The following EMP2 variants were observed in gnomAD, a reference collection of about 807,000 sequenced individuals.
EMP2 encodes the protein epithelial membrane protein 2.
EMP2 carries 19 observed loss-of-function variants against 13.7 expected under a neutral mutation model. That is an observed-to-expected ratio of 1.38 (90% CI 0.97 to 2.03). The LOEUF (loss-of-function observed/expected upper bound fraction) is 2.03, where lower values mean the gene tolerates loss of function less well. Ranked by LOEUF, EMP2 falls within the 30% of genes most tolerant of loss-of-function variation. The pLI, the probability that EMP2 is intolerant of heterozygous loss-of-function variation, is 0.00. For synonymous variants in EMP2, 97 were observed against 84.7 expected (o/e 1.15, Z -0.80); for missense variants, 253 against 220.7 (o/e 1.15, Z -0.93).
chr16:10,576,785 A>T (rs904691958), intron 1 of EMP2: 1 of 152,228 alleles, frequency 6.6e-6, no homozygotes, highest in Non-Finnish European at 1.5e-5. Context: ...TACTGCATGA[A>T]CAAAACCAAC....
At chr16:10,564,386 G>T (rs1338952919) in intron 1 of EMP2, among the ~76,000 whole-genome samples, 1 of 151,364 alleles carries the variant, frequency 6.6e-6, no homozygotes, top group Non-Finnish European at 1.5e-5. Context: ...AGCTACTTGG[G>T]AGGCTGAGGC....
chr16:10,558,356 A>G (rs1264686132), intron 1 of EMP2, among the ~76,000 whole-genome samples: 1 of 152,196 alleles, frequency 6.6e-6, no homozygotes, highest in African/African-American at 2.4e-5. Context: ...TTTGACAGGA[A>G]GAAGGATAGT....
chr16:10,570,477 C>G (rs2050939565), intron 1 of EMP2, among the ~76,000 whole-genome samples: 1 of 152,146 alleles, frequency 6.6e-6, no homozygotes. Flanking sequence ...AACTCACCGT[C>G]ACGTCTGCCT....
At chr16:10,574,057 C>A (rs1178802498) in intron 1 of EMP2, among the ~76,000 whole-genome samples, 1 of 150,622 alleles carries the variant, frequency 6.6e-6, no homozygotes, top group Non-Finnish European at 1.5e-5. Context: ...TGTGCCTCAG[C>A]CTCCCAAGTA....
At chr16:10,554,732 C>G (rs1325403655) in intron 1 of EMP2, among the ~76,000 whole-genome samples, 1 of 152,166 alleles carries the variant, frequency 6.6e-6, no homozygotes, top group East Asian at 1.9e-4. Context: ...GGCTTCAGTG[C>G]TCTGCTGCTT....
intron 3 of EMP2, among the ~76,000 whole-genome samples, chr16:10,538,352 C>G (rs964645231): frequency 6.6e-6 from 1 of 152,192 alleles, no homozygotes; most frequent in African/African-American, 2.4e-5. Context: ...GTCTGGGTCA[C>G]AGACCCCACA....
At chr16:10,570,977 G>A (rs932396316) in intron 1 of EMP2, among the ~76,000 whole-genome samples, 7 of 151,658 alleles carry the variant, frequency 4.6e-5, no homozygotes, top group Non-Finnish European at 1.0e-4. Context: ...TGCAGGAACT[G>A]GCAGGGGCCG....
chr16:10,532,831 A>G lies in EMP2; in HGVS notation c.*74T>C. 2.5e-6 allele frequency: 3 copies of G among 1,183,726 alleles called. No homozygotes were observed. The highest frequency in any genetic ancestry group is 6.8e-5 in the Admixed American group (2 of 29,534). The allele number at this position is 1,183,726 out of a possible 1,614,324, so 73.3% of individuals were successfully genotyped here. A position where few individuals can be genotyped will look rare whatever the true frequency, so the allele number is the denominator to read the frequency against. ...ACGTTTGCTAGAAAAACCTCAAAAA[A>G]TAATGATTATATACAAAATGGTTAT... On this transcript the variant is annotated 3_prime_UTR_variant, in exon 5 of 5. Coordinates refer to ENST00000359543, the MANE Select transcript of EMP2 (RefSeq NM_001424.6).
At chr16:10,578,002 C>CT (rs2050996039) in intron 1 of EMP2, 1 of 140,874 alleles carries the variant, frequency 7.1e-6, no homozygotes, top group African/African-American at 2.6e-5. Flanking sequence ...AGGAGGGAGG[C>CT]TGGACATCTG....
At chr16:10,547,516 T>C (rs371664005) in intron 2 of EMP2, 24 bp downstream of exon 2, 755 of 1,613,440 alleles carry the variant, frequency 4.7e-4, no homozygotes, top group Non-Finnish European at 5.9e-4. Flanking sequence ...GGTTTCTGCG[T>C]GAGTGGCAGG....
chr16:10,535,516 C>G (rs561134853), intron 4 of EMP2, among the ~76,000 whole-genome samples: 3 of 152,070 alleles, frequency 2.0e-5, no homozygotes, highest in Non-Finnish European at 4.4e-5. Flanking sequence ...TGGCAGATTG[C>G]GAGACCAGCC....
chr16:10,548,205 G>A (rs1043047469), intron 1 of EMP2, among the ~76,000 whole-genome samples: 1 of 152,154 alleles, frequency 6.6e-6, no homozygotes, highest in East Asian at 1.9e-4. Context: ...GGACCCATTA[G>A]AATCCCTAAT....
intron 3 of EMP2, among the ~76,000 whole-genome samples, chr16:10,542,215 T>C (rs60750745): frequency 0.034 from 5,182 of 152,120 alleles, 159 homozygotes; most frequent in South Asian, 0.11. Context: ...CTGGGCAACA[T>C]GGTGAAACTC....
intron 1 of EMP2, among the ~76,000 whole-genome samples, chr16:10,553,402 A>T (rs2050803571): frequency 6.6e-6 from 1 of 151,756 alleles, no homozygotes; most frequent in African/African-American, 2.4e-5. Context: ...ATCTCTTCAC[A>T]CCTGATTGGA....
In EMP2 at chr16:10,537,801, C is replaced by G. The variant is rs997732459; in HGVS notation, c.316+127G>C. The G allele has an allele frequency of 3.3e-6, 4 of 1,227,232 alleles. No homozygotes were observed. In the African/African-American group the frequency reaches 4.5e-5, roughly 14 times the overall value. The allele number at this position is 1,227,232 out of a possible 1,614,324, so 76.0% of individuals were successfully genotyped here. ...ACACACGCAAACACACACCGGCACA[C>G]AGCACCGCGCGGCTGCCAATTTCTC... On this transcript the variant is annotated intron_variant, in intron 4 of 4. Transcript: ENST00000359543.
rs371646297 is a variant in EMP2, at chr16:10,573,930, C to CTTTT, written c.-61+6615_-61+6618dup. Reference sequence around the variant, plus strand: ...TTCCATATGGGTACAATGGATAAACCTTTTTTTTTTTTTTTTTTTTTTTTT... The same window carrying CTTTT: ...TTCCATATGGGTACAATGGATAAACCTTTTTTTTTTTTTTTTTTTTTTTTTTTTT... On this transcript the variant is annotated intron_variant, in intron 1 of 4. Transcript: ENST00000359543. 2.0e-3 allele frequency among the ~76,000 whole-genome samples: 164 copies of CTTTT among 83,216 alleles called. 1 individual carries two copies. Among genetic ancestry groups the CTTTT allele is most frequent in the South Asian group, 3.0e-3 (6 of 1,988 alleles). The allele number at this position is 83,216 out of a possible 152,430, so 54.6% of individuals were successfully genotyped here.
rs111364972 is a variant in EMP2, at chr16:10,531,748, G to GATGAATGAATGAATGAATGAATGA, written c.*1133_*1156dup. 1 of 151,836 alleles carries GATGAATGAATGAATGAATGAATGA rather than the reference G, an allele frequency of 6.6e-6. No homozygotes were observed. Among genetic ancestry groups the GATGAATGAATGAATGAATGAATGA allele is most frequent in the Non-Finnish European group, 1.5e-5 (1 of 67,810 alleles). 9.4% of individuals were successfully genotyped at this position (151,836 alleles called of 1,614,324 possible). The stretch of plus-strand genomic sequence containing the variant: ...ATGCATGCAAGTTATGATTTATGTT[G>GATGAATGAATGAATGAATGAATGA]ATGAATGAATGAATGAATGAATGAA... On this transcript the variant is annotated 3_prime_UTR_variant, in exon 5 of 5. Coordinates refer to ENST00000359543, the MANE Select transcript of EMP2 (RefSeq NM_001424.6).
chr16:10,533,890 G>A (rs564068025), intron 4 of EMP2, among the ~76,000 whole-genome samples: 5 of 152,160 alleles, frequency 3.3e-5, no homozygotes, highest in African/African-American at 1.2e-4. Flanking sequence ...AAGGTAGGTG[G>A]GTCACCTGAG....
At position 10,531,109 on chromosome 16, in the gene EMP2, T is replaced by C. The variant is rs538045411; in HGVS notation, c.*1796A>G. 1.3e-5 allele frequency: 2 copies of C among 152,152 alleles called. No individual in the cohort carries two copies. Among genetic ancestry groups the C allele is most frequent in the East Asian group, 3.9e-4 (2 of 5,140 alleles). The allele number at this position is 152,152 out of a possible 1,614,324, so 9.4% of individuals were successfully genotyped here. On this transcript the variant is annotated 3_prime_UTR_variant, in exon 5 of 5. Coordinates refer to ENST00000359543, the MANE Select transcript of EMP2 (RefSeq NM_001424.6). The stretch of plus-strand genomic sequence containing the variant: ...GCCTCAGCCTCCTAAGTAGCTGGGA[T>C]TACAGGCACCTGCCACCACACCGGG...
Sources: allele counts gnomAD v4.1 joint callset (sites outside exome capture counted in the v4.1 genomes callset), GRCh38; gene constraint gnomAD v4.1.1; transcripts MANE v1.5; gene names NCBI Gene and HGNC (gene_info 2026-07-23, HGNC 2026-07-21).